The following PIWIL2 variants were observed in gnomAD, a reference collection of about 807,000 sequenced individuals.
PIWIL2 encodes piwi like RNA-mediated gene silencing 2, also known as piwi-like protein 2.
A neutral mutation model predicts 116.5 loss-of-function variants in PIWIL2; 81 were observed. The observed-to-expected ratio is 0.70, with a 90% CI of 0.58 to 0.84. The LOEUF (loss-of-function observed/expected upper bound fraction) is 0.84, where lower values mean the gene tolerates loss of function less well. Ranked by LOEUF, PIWIL2 falls within the 40% of genes least tolerant of loss-of-function variation. The probability of loss-of-function intolerance (pLI) is 0.00; values close to 1 mark genes in which losing one functional copy is unlikely to be tolerated. For missense variants in PIWIL2, 1,272 were observed against 1,212.3 expected (o/e 1.05, Z -0.73); for synonymous variants, 489 against 429.5 (o/e 1.14, Z -1.71).
chr8:22,319,607 A>G (rs1831547667), intron 20 of PIWIL2, among the ~76,000 whole-genome samples: 1 of 152,234 alleles, frequency 6.6e-6, no homozygotes, highest in South Asian at 2.1e-4. Context: ...ACTTAGTGGC[A>G]TGAAATGAGC....
intron 20 of PIWIL2, among the ~76,000 whole-genome samples, chr8:22,321,088 T>G (rs1304150086): frequency 2.0e-5 from 3 of 152,236 alleles, no homozygotes; most frequent in East Asian, 1.9e-4. Context: ...TTAAGTAGTA[T>G]TTATTAAATT....
intron 6 of PIWIL2, among the ~76,000 whole-genome samples, chr8:22,284,940 AGAT>A (rs1458547534): frequency 6.6e-6 from 1 of 152,198 alleles, no homozygotes; most frequent in African/African-American, 2.4e-5. Context: ...GAAAATGAGA[AGAT>A]GAAGTCTCAG....
rs147333103 is a variant in PIWIL2 at position 22,353,315 on chromosome 8, G to A, written c.2657+103G>A. On this transcript the variant is annotated intron_variant, in intron 21 of 22. Transcript: ENST00000356766. ...AGGTTTCCTGGAGAGTTGTGGACTA[G>A]AATCTCAGAGAGGCTACCGTTAAAA... 6.6e-4 allele frequency: 642 copies of A among 975,438 alleles called. 4 individuals carry two copies. In the African/African-American group the frequency reaches 9.5e-3, roughly 14 times the overall value. 60.4% of individuals were successfully genotyped at this position (975,438 alleles called of 1,614,324 possible). A position where few individuals can be genotyped will look rare whatever the true frequency, so the allele number is the denominator to read the frequency against.
chr8:22,326,171 G>T (rs1404301214), intron 20 of PIWIL2, among the ~76,000 whole-genome samples: 1 of 151,806 alleles, frequency 6.6e-6, no homozygotes, highest in Non-Finnish European at 1.5e-5. Flanking sequence ...AGCCTGGAAG[G>T]TTTTACTGTT....
At position 22,321,489 on chromosome 8, in the gene PIWIL2, G is replaced by T. The variant is rs77993592; in HGVS notation, c.2403+3214G>T. The stretch of plus-strand genomic sequence containing the variant: ...CTTTTGCCATTTCCCCAGTTGTTCT[G>T]CACCTAGTGGAAGGAATCTTTGTAT... On this transcript the variant is annotated intron_variant, in intron 20 of 22. Coordinates refer to ENST00000356766, the MANE Select transcript of PIWIL2 (RefSeq NM_018068.5). 1.0e-3 allele frequency among the ~76,000 whole-genome samples: 157 copies of T among 152,192 alleles called. 6 individuals carry two copies. The East Asian group carries it at 0.03, about 29-fold the overall frequency.
intron 1 of PIWIL2, among the ~76,000 whole-genome samples, chr8:22,276,900 C>G (rs977824158): frequency 8.9e-6 from 1 of 112,396 alleles, no homozygotes; most frequent in African/African-American, 2.9e-5. Context: ...AAGACCCTGT[C>G]TCTTAAAAAA....
intron 13 of PIWIL2, among the ~76,000 whole-genome samples, chr8:22,306,809 A>G (rs1165858604): frequency 6.6e-6 from 1 of 152,084 alleles, no homozygotes. Flanking sequence ...TTTTCTATAC[A>G]ACTCCCAGTT....
chr8:22,351,697 C>T (rs907735206), intron 20 of PIWIL2, among the ~76,000 whole-genome samples: 1 of 150,630 alleles, frequency 6.6e-6, no homozygotes, highest in African/African-American at 2.4e-5. Context: ...ACCACCACAC[C>T]TGGCTAATTT....
intron 15 of PIWIL2, among the ~76,000 whole-genome samples, chr8:22,310,802 T>C (rs1462450767): frequency 2.0e-5 from 3 of 152,208 alleles, no homozygotes; most frequent in African/African-American, 7.2e-5. Context: ...TTCTGTACTT[T>C]ACATATACAT....
rs749712190 is a variant in PIWIL2 at position 22,279,510 on chromosome 8, G to A, written c.124G>A (p.Gly42Arg). The A allele has an allele frequency of 1.2e-6, 2 of 1,614,120 alleles. No homozygotes were observed. Among genetic ancestry groups the A allele is most frequent in the Admixed American group, 3.3e-5 (2 of 60,016 alleles). Residue 42 changes from glycine to arginine, a missense_variant, in exon 2 of 23, where the codon GGA (glycine) becomes AGA (arginine). Transcript: ENST00000356766. ...SKPLDPALGR[G>R]APAGRGHVFG... Reference sequence around the variant, plus strand: ...ACCTTTGGACCCAGCTCTGGGCAGGGGAGCACCTGCAGGCAGAGGCCATGT... The same window carrying A: ...ACCTTTGGACCCAGCTCTGGGCAGGAGAGCACCTGCAGGCAGAGGCCATGT...
chr8:22,332,402 G>A (rs182940199), intron 20 of PIWIL2, among the ~76,000 whole-genome samples: 3 of 152,032 alleles, frequency 2.0e-5, no homozygotes, highest in Non-Finnish European at 4.4e-5. Context: ...TCAGAAGGAG[G>A]TTAAAGAAGG....
chr8:22,290,501 G>A (rs1420615997), intron 10 of PIWIL2, among the ~76,000 whole-genome samples, 155 bp downstream of exon 10: 2 of 152,040 alleles, frequency 1.3e-5, no homozygotes, highest in Non-Finnish European at 2.9e-5. Context: ...GAGTACAGTG[G>A]TTTGATCATA....
intron 4 of PIWIL2, among the ~76,000 whole-genome samples, chr8:22,282,697 C>A (rs569025476): frequency 6.6e-6 from 1 of 151,704 alleles, no homozygotes; most frequent in South Asian, 2.1e-4. Flanking sequence ...CTGAAGTGAT[C>A]CTCCCACCTC....
intron 15 of PIWIL2, among the ~76,000 whole-genome samples, chr8:22,310,677 T>C (rs1831306540): frequency 2.6e-5 from 4 of 152,174 alleles, no homozygotes; most frequent in Admixed American, 2.6e-4. Context: ...TGCAGAACTT[T>C]ACCAGCACTC....
At position 22,281,208 on chromosome 8, in the gene PIWIL2, G is replaced by A; in HGVS notation, c.286+1G>A. The A allele has an allele frequency of 1.2e-6, 2 of 1,602,360 alleles. No homozygotes were observed. Among genetic ancestry groups the A allele is most frequent in the Non-Finnish European group, 1.7e-6 (2 of 1,172,768 alleles). On this transcript the variant is annotated splice_donor_variant, in intron 3 of 22. Transcript: ENST00000356766. LOFTEE classifies it high-confidence loss of function. ...CTGAAACGGGAAATGCTTCCATCAG[G>A]TATGTGGAAAACTAACTTGAGAAAT... is the stretch of plus-strand genomic sequence containing the variant.
chr8:22,319,579 G>A (rs1300010920), intron 20 of PIWIL2, among the ~76,000 whole-genome samples: 1 of 152,216 alleles, frequency 6.6e-6, no homozygotes, highest in Non-Finnish European at 1.5e-5. Flanking sequence ...GGATGGCTAT[G>A]TAGCAAATTA....
Position 22,355,766 on chromosome 8 carries a change from ACT to A in PIWIL2, c.*264_*265del, listed in dbSNP as rs1454995211. 4 of 441,612 alleles carry A rather than the reference ACT, an allele frequency of 9.1e-6. No homozygotes were observed. Among genetic ancestry groups the A allele is most frequent in the African/African-American group, 7.9e-5 (4 of 50,532 alleles). The allele number at this position is 441,612 out of a possible 1,614,324, so 27.4% of individuals were successfully genotyped here. A position where few individuals can be genotyped will look rare whatever the true frequency, so the allele number is the denominator to read the frequency against. On this transcript the variant is annotated 3_prime_UTR_variant, in exon 23 of 23. Transcript: ENST00000356766. ...TGCCACTCTGCAGGTGGAGCGGGTG[ACT>A]CTGGGGGACCATTAAGACCTCCAGA...
chr8:22,307,977 T>C lies in PIWIL2; in HGVS notation c.1590T>C (p.Ser530=), dbSNP rs750754327. The change falls in exon 14 of 23, where the codon AGT becomes AGC. Residue 530 remains serine, a synonymous_variant. Coordinates refer to ENST00000356766, the MANE Select transcript of PIWIL2 (RefSeq NM_018068.5). ...ATCTGAGCCCCAAGCAACACCATAGTGCTTTGGAATGCTTGCTGCAAAGAA... is the reference window on the plus strand; with the variant it reads ...ATCTGAGCCCCAAGCAACACCATAGCGCTTTGGAATGCTTGCTGCAAAGAA... ...QINLSPKQHH[S]ALECLLQRIA... is the part of the protein sequence containing the mutation. The C allele has an allele frequency of 1.2e-6, 2 of 1,613,400 alleles. No homozygotes were observed. The highest frequency in any genetic ancestry group is 1.7e-6 in the Non-Finnish European group (2 of 1,179,640).
intron 20 of PIWIL2, among the ~76,000 whole-genome samples, chr8:22,322,700 C>G (rs1466359226): frequency 1.3e-5 from 2 of 152,102 alleles, no homozygotes; most frequent in East Asian, 3.8e-4. Context: ...GCCACCACAC[C>G]CAGCTCAGTT....
Sources: allele counts gnomAD v4.1 joint callset (sites outside exome capture counted in the v4.1 genomes callset), GRCh38; gene constraint gnomAD v4.1.1; transcripts MANE v1.5; gene names NCBI Gene and HGNC (gene_info 2026-07-23, HGNC 2026-07-21).